IFT46: variants seen among roughly 807,000 people sequenced by gnomAD.
IFT46 encodes the protein intraflagellar transport protein 46 homolog.
Under a neutral mutation model 39.6 loss-of-function variants are expected in IFT46, and 19 were observed. That is an observed-to-expected ratio of 0.48 (90% CI 0.33 to 0.70). The LOEUF (loss-of-function observed/expected upper bound fraction) is 0.70. Ranked by LOEUF, IFT46 falls within the 30% of genes least tolerant of loss-of-function variation. IFT46 has a pLI of 0.01. For missense variants in IFT46, 334 were observed against 364.8 expected, an observed-to-expected ratio of 0.92 and a Z score of 0.69; for synonymous variants, 117 against 134.8, an observed-to-expected ratio of 0.87 and a Z score of 0.91.
At position 118,545,501 on chromosome 11, in the gene IFT46, CGAAGAA is replaced by C; in HGVS notation, c.734-13_734-8del. The C allele has an allele frequency of 6.2e-7, 1 of 1,607,622 alleles. No homozygotes were observed. The highest frequency in any genetic ancestry group is 8.5e-7 in the Non-Finnish European group (1 of 1,174,332). On this transcript the variant is annotated splice_polypyrimidine_tract_variant and splice_region_variant and intron_variant, in intron 10 of 11. Transcript: ENST00000264021. ...ACAGGGATGTCTAGAATGGCTGAAA[CGAAGAA>C]GAACTTCCAGGAACAGAAGCAAACA...
intron 7 of IFT46, among the ~76,000 whole-genome samples, chr11:118,552,553 C>G (rs1212275501): frequency 2.6e-5 from 4 of 152,052 alleles, no homozygotes; most frequent in Non-Finnish European, 5.9e-5. Flanking sequence ...AGCACTTTGG[C>G]AGTCTGAGGT....
Position 118,556,846 on chromosome 11 carries a change from T to C in IFT46, c.185+60A>G, listed in dbSNP as rs1324948299. 4 of 1,460,022 alleles carry C rather than the reference T, an allele frequency of 2.7e-6. No individual in the cohort carries two copies. In the East Asian group the frequency reaches 9.6e-5, roughly 35 times the overall value. The allele number at this position is 1,460,022 out of a possible 1,614,324, so 90.4% of individuals were successfully genotyped here. A position where few individuals can be genotyped will look rare whatever the true frequency, so the allele number is the denominator to read the frequency against. On this transcript the variant is annotated intron_variant, in intron 4 of 11. Transcript: ENST00000264021. ...TCACTTCTAACTGACGTCCTCCCAC[T>C]CCAGTGTTTTGAAGGAGGTATTCTG...
upstream of IFT46, chr11:118,566,033 C>T (rs1555071439): frequency 1.3e-5 from 2 of 152,346 alleles, no homozygotes; most frequent in East Asian, 1.9e-4. Context: ...ATCAAGGAGT[C>T]ACGGATAAAG....
intron 9 of IFT46, among the ~76,000 whole-genome samples, chr11:118,549,650 G>A (rs1565345176): frequency 2.0e-5 from 3 of 150,106 alleles, no homozygotes; most frequent in Admixed American, 6.7e-5. Flanking sequence ...TCAGCCTCCC[G>A]AGTAGCTGAG....
chr11:118,576,261 A>T (rs1938498571), upstream of IFT46, among the ~76,000 whole-genome samples: 1 of 151,720 alleles, frequency 6.6e-6, no homozygotes, highest in Non-Finnish European at 1.5e-5. Context: ...TGTAAGAATT[A>T]TTAAAAGTTG....
At chr11:118,545,936 C>T in intron 9 of IFT46, 83 bp from the exon 10 acceptor site, 1 of 1,217,994 alleles carries the variant, frequency 8.2e-7, no homozygotes, top group East Asian at 2.3e-5. Flanking sequence ...AGCAAAAGAG[C>T]TTCTAGCATA....
chr11:118,547,216 CTGTCTT>C (rs1476296012), intron 9 of IFT46: 1 of 152,114 alleles, frequency 6.6e-6, no homozygotes, highest in Non-Finnish European at 1.5e-5. Context: ...CAAAAAAAAT[CTGTCTT>C]TGTAGAGCTT....
rs1376971779 is a variant in IFT46, at chr11:118,551,663, C to A, written c.672+123G>T. ...CACTGCAGCCTGGGAAGAGCAAGAC[C>A]CTGTCTCAAAAAAAAAAAAAAAAAA... On this transcript the variant is annotated intron_variant, in intron 9 of 11. Transcript: ENST00000264021. The A allele has an allele frequency of 3.8e-5, 26 of 690,366 alleles. No homozygotes were observed. In the East Asian group the frequency reaches 7.2e-4, roughly 19 times the overall value. The allele number at this position is 690,366 out of a possible 1,614,324, so 42.8% of individuals were successfully genotyped here.
At chr11:118,571,521 G>A (rs1330684988) in intron 1 of IFT46, among the ~76,000 whole-genome samples, 1 of 152,098 alleles carries the variant, frequency 6.6e-6, no homozygotes, top group African/African-American at 2.4e-5. Flanking sequence ...TTTCCAACGT[G>A]GCTGCACTAT....
At chr11:118,559,907 T>C (rs781827230) in intron 2 of IFT46, 43 bp from the exon 3 acceptor site, 20 of 1,144,004 alleles carry the variant, frequency 1.7e-5, no homozygotes, top group Non-Finnish European at 2.4e-5. Flanking sequence ...TTAAAATGAT[T>C]TTTAAAAACA....
upstream of IFT46, among the ~76,000 whole-genome samples, chr11:118,575,380 A>G (rs1218156909): frequency 6.6e-6 from 1 of 151,864 alleles, no homozygotes; most frequent in Admixed American, 6.6e-5. Context: ...TTATGTCTTC[A>G]TATAGAAGTT....
At chr11:118,553,392 G>C (rs1413005286) in intron 7 of IFT46, among the ~76,000 whole-genome samples, 5 of 143,516 alleles carry the variant, frequency 3.5e-5, no homozygotes, top group Non-Finnish European at 7.6e-5. Flanking sequence ...GGTGAGCCAA[G>C]ATCACGCCAT....
At chr11:118,574,110 T>C (rs1444736904), upstream of IFT46, among the ~76,000 whole-genome samples, 1 of 152,208 alleles carries the variant, frequency 6.6e-6, no homozygotes, top group South Asian at 2.1e-4. Context: ...ATATAAAATA[T>C]AACTTTTGCA....
In IFT46 at chr11:118,544,823, G is replaced by A; in HGVS notation, c.*93C>T. On this transcript the variant is annotated 3_prime_UTR_variant, in exon 12 of 12. Coordinates refer to ENST00000264021, the MANE Select transcript of IFT46 (RefSeq NM_001168618.2). The stretch of plus-strand genomic sequence containing the variant: ...CTGCCCCTGAGCCAAGCTGTGGCAT[G>A]GGCAAGGACATCAAGTAGCTGACAA... The A allele has an allele frequency of 1.1e-6, 1 of 875,490 alleles. No homozygotes were observed. The allele number at this position is 875,490 out of a possible 1,614,324, so 54.2% of individuals were successfully genotyped here. A position where few individuals can be genotyped will look rare whatever the true frequency, so the allele number is the denominator to read the frequency against.
At chr11:118,556,760 G>C in intron 4 of IFT46, 146 bp downstream of exon 4, 1 of 940,614 alleles carries the variant, frequency 1.1e-6, no homozygotes, top group Non-Finnish European at 1.5e-6. Flanking sequence ...TCATTATTAT[G>C]TTGGGTTTCT....
chr11:118,552,432 T>G, intron 7 of IFT46, 97 bp from the exon 8 acceptor site: 2 of 1,446,842 alleles, frequency 1.4e-6, no homozygotes, highest in South Asian at 2.5e-5. Context: ...ATATTCGAGC[T>G]TGCTGATGAC....
upstream of IFT46, among the ~76,000 whole-genome samples, chr11:118,575,373 T>G (rs1226552631): frequency 1.3e-5 from 2 of 152,122 alleles, no homozygotes; most frequent in East Asian, 3.9e-4. Flanking sequence ...CATCTATTTA[T>G]GTCTTCATAT....
At chr11:118,550,290 A>C (rs1441915794) in intron 9 of IFT46, among the ~76,000 whole-genome samples, 2 of 152,310 alleles carry the variant, frequency 1.3e-5, no homozygotes, top group African/African-American at 4.8e-5. Context: ...TTACACTGAG[A>C]AACACCTAAC....
upstream of IFT46, among the ~76,000 whole-genome samples, chr11:118,576,362 C>T (rs1256477670): frequency 7.6e-6 from 1 of 132,116 alleles, no homozygotes; most frequent in Non-Finnish European, 1.5e-5. Flanking sequence ...GTTTTCACAT[C>T]TGTAAGACAA....
Sources: allele counts gnomAD v4.1 joint callset (sites outside exome capture counted in the v4.1 genomes callset), GRCh38; gene constraint gnomAD v4.1.1; transcripts MANE v1.5; gene names NCBI Gene and HGNC (gene_info 2026-07-23, HGNC 2026-07-21).